Variants in CALN1 observed in about 807,000 individuals in gnomAD.
CALN1 encodes calneuron 1.
A neutral mutation model predicts 30.6 loss-of-function variants in CALN1; 17 were observed. That is an observed-to-expected ratio of 0.56 (90% CI 0.38 to 0.83). The LOEUF is 0.83. Among genes scored for constraint, CALN1 ranks in the 40% least tolerant of loss-of-function variants. The pLI, the probability that CALN1 is intolerant of heterozygous loss-of-function variation, is 0.00. For synonymous variants in CALN1, 156 were observed against 131.4 expected, an observed-to-expected ratio of 1.19 and a Z score of -1.28; for missense variants, 291 against 354.9, an observed-to-expected ratio of 0.82 and a Z score of 1.45.
At chr7:72,275,318 C>G (rs1797263261) in intron 3 of CALN1, among the ~76,000 whole-genome samples, 1 of 152,136 alleles carries the variant, frequency 6.6e-6, no homozygotes, top group South Asian at 2.1e-4. Flanking sequence ...TGCCATGCAG[C>G]AGCCCAAGAG....
In CALN1 at chr7:72,183,709, T is replaced by C. The variant is rs190697189; in HGVS notation, c.245-77415A>G. On this transcript the variant is annotated intron_variant, in intron 3 of 6. Transcript: ENST00000395275. Reference sequence around the variant, plus strand: ...AAGACATCTTGGAGAAATAAACTCATCAGGATTTCCATTTTAAAAACACAT... The same window carrying C: ...AAGACATCTTGGAGAAATAAACTCACCAGGATTTCCATTTTAAAAACACAT... 2.6e-5 allele frequency among the ~76,000 whole-genome samples: 4 copies of C among 152,302 alleles called. No individual in the cohort carries two copies. In the East Asian group the frequency reaches 5.8e-4, roughly 22 times the overall value.
At chr7:72,212,956 G>C (rs1235536084) in intron 3 of CALN1, among the ~76,000 whole-genome samples, 2 of 152,202 alleles carry the variant, frequency 1.3e-5, no homozygotes, top group Non-Finnish European at 2.9e-5. Flanking sequence ...AGAAACTTTT[G>C]ATTGTGGAGT....
At chr7:72,008,657 A>ATTT (rs377110167) in intron 5 of CALN1, among the ~76,000 whole-genome samples, 7 of 139,290 alleles carry the variant, frequency 5.0e-5, no homozygotes, top group Non-Finnish European at 7.8e-5. Flanking sequence ...AAGACTTTCA[A>ATTT]TTTTTTTTTT....
At chr7:71,913,456 T>TAACA (rs1328221271) in intron 5 of CALN1, among the ~76,000 whole-genome samples, 4 of 152,240 alleles carry the variant, frequency 2.6e-5, no homozygotes, top group Non-Finnish European at 1.5e-5. Flanking sequence ...AGGTACTAAC[T>TAACA]ATAGAATTCA....
intron 1 of CALN1, among the ~76,000 whole-genome samples, chr7:72,429,291 A>C (rs1807898024): frequency 6.6e-6 from 1 of 152,148 alleles, no homozygotes; most frequent in Non-Finnish European, 1.5e-5. Context: ...TCACCCCTAG[A>C]CTATGAGTCC....
chr7:72,098,764 G>GCGCGCACACACACA (rs1414936509), intron 4 of CALN1, among the ~76,000 whole-genome samples: 1 of 142,830 alleles, frequency 7.0e-6, no homozygotes, highest in African/African-American at 2.6e-5. Flanking sequence ...CATTTGGCGC[G>GCGCGCACACACACA]CACACACACA....
chr7:71,880,571 A>G (rs1051991679), intron 5 of CALN1, among the ~76,000 whole-genome samples: 3 of 151,926 alleles, frequency 2.0e-5, no homozygotes, highest in African/African-American at 7.2e-5. Flanking sequence ...TATTTCTTTA[A>G]TCCAATCTCT....
intron 4 of CALN1, among the ~76,000 whole-genome samples, chr7:72,039,514 A>G (rs1250744972): frequency 6.6e-6 from 1 of 152,230 alleles, no homozygotes; most frequent in Non-Finnish European, 1.5e-5. Context: ...TACTAATCAC[A>G]TTACAGACTT....
intron 5 of CALN1, among the ~76,000 whole-genome samples, chr7:71,904,583 A>C (rs1363399002): frequency 6.6e-6 from 1 of 152,218 alleles, no homozygotes; most frequent in Non-Finnish European, 1.5e-5. Context: ...CTGGTGAAAG[A>C]ACACATAATT....
chr7:72,072,861 T>C (rs1804493911), intron 4 of CALN1, among the ~76,000 whole-genome samples: 1 of 152,170 alleles, frequency 6.6e-6, no homozygotes, highest in African/African-American at 2.4e-5. Context: ...GTATGTTAAA[T>C]ATAATCCCCA....
chr7:72,397,710 T>TCACACACACACACACACACACA (rs1286894513), intron 2 of CALN1, among the ~76,000 whole-genome samples: 2 of 57,298 alleles, frequency 3.5e-5, no homozygotes, highest in Non-Finnish European at 6.7e-5. Context: ...GCACCCATTC[T>TCACACACACACACACACACACA]CTCTCACACA....
intron 5 of CALN1, among the ~76,000 whole-genome samples, chr7:71,934,404 G>A (rs919051012): frequency 5.3e-5 from 8 of 152,170 alleles, no homozygotes; most frequent in African/African-American, 1.7e-4. Flanking sequence ...ATAAAGAAAA[G>A]AGGTTTACTT....
intron 3 of CALN1, among the ~76,000 whole-genome samples, chr7:72,118,078 A>T (rs1160669025): frequency 6.6e-6 from 1 of 152,072 alleles, no homozygotes; most frequent in Non-Finnish European, 1.5e-5. Flanking sequence ...TGATAGGATG[A>T]ACCTACTATG....
chr7:72,408,592 AT>A (rs1806869481), intron 1 of CALN1, among the ~76,000 whole-genome samples: 1 of 151,616 alleles, frequency 6.6e-6, no homozygotes, highest in Admixed American at 6.6e-5. Flanking sequence ...AATTCATGGG[AT>A]ACAAGTGCAA....
intron 3 of CALN1, among the ~76,000 whole-genome samples, chr7:72,210,597 G>T (rs890149222): frequency 1.4e-4 from 21 of 152,188 alleles, no homozygotes; most frequent in Non-Finnish European, 1.9e-4. Context: ...TCACAAGGAG[G>T]TAGGAAAAAG....
intron 1 of CALN1, among the ~76,000 whole-genome samples, chr7:72,408,206 G>C (rs1806836408): frequency 1.3e-5 from 2 of 151,656 alleles, no homozygotes; most frequent in Admixed American, 6.6e-5. Flanking sequence ...GCCAAGGGGG[G>C]TGGATCACCC....
At chr7:72,305,369 G>C (rs1188270793) in intron 2 of CALN1, among the ~76,000 whole-genome samples, 1 of 152,136 alleles carries the variant, frequency 6.6e-6, no homozygotes, top group South Asian at 2.1e-4. Flanking sequence ...GCTTGTTAAG[G>C]CTCCTTCTTA....
chr7:71,844,769 A>C (rs965474785), intron 5 of CALN1, among the ~76,000 whole-genome samples: 2 of 152,244 alleles, frequency 1.3e-5, no homozygotes, highest in Non-Finnish European at 2.9e-5. Flanking sequence ...CAGGGAAGAA[A>C]TCACATCTTC....
At chr7:72,110,398 C>T (rs189770097) in intron 3 of CALN1, among the ~76,000 whole-genome samples, 1 of 152,190 alleles carries the variant, frequency 6.6e-6, no homozygotes, top group Admixed American at 6.5e-5. Context: ...GGACCTGCTC[C>T]TTCGAAGCCT....
Sources: allele counts gnomAD v4.1 joint callset (sites outside exome capture counted in the v4.1 genomes callset), GRCh38; gene constraint gnomAD v4.1.1; transcripts MANE v1.5; gene names NCBI Gene and HGNC (gene_info 2026-07-23, HGNC 2026-07-21).